Variants in RHOBTB2 observed in about 807,000 individuals in gnomAD.
RHOBTB2 encodes the protein rho-related BTB domain-containing protein 2.
A neutral mutation model predicts 66.5 loss-of-function variants in RHOBTB2; 39 were observed. The ratio of observed to expected loss-of-function variants is 0.59; its 90% CI spans 0.45 to 0.77. The LOEUF is 0.77. Among genes scored for constraint, RHOBTB2 ranks in the 30% least tolerant of loss-of-function variants. The probability of loss-of-function intolerance (pLI) is 0.00; values close to 1 mark genes in which losing one functional copy is unlikely to be tolerated. For missense variants in RHOBTB2, 755 were observed against 999.1 expected (o/e 0.76, Z 3.29); for synonymous variants, 390 against 395.0 (o/e 0.99, Z 0.15).
chr8:22,951,293 C>T, the RHOBTB2 span, among the ~76,000 whole-genome samples: 38 of 142,728 alleles, frequency 2.7e-4, no homozygotes, highest in African/African-American at 9.9e-4. Flanking sequence ...ACTCTGTCAC[C>T]CAGGCTGGAG....
intron 1 of RHOBTB2, 145 bp downstream of exon 1, chr8:23,000,250 C>T: frequency 2.3e-6 from 1 of 428,868 alleles, no homozygotes; most frequent in South Asian, 9.7e-5. Context: ...CTGCTGGGTA[C>T]AGCGGGGCTG....
chr8:22,955,809 GTCC>G, the RHOBTB2 span, among the ~76,000 whole-genome samples: 4 of 151,974 alleles, frequency 2.6e-5, no homozygotes, highest in Admixed American at 6.6e-5. Context: ...GGTTCAATCA[GTCC>G]TCCTACCTTG....
In RHOBTB2 at chr8:22,999,669, C is replaced by T. The variant is rs1435453448; in HGVS notation, c.-447C>T. The stretch of plus-strand genomic sequence containing the variant: ...TTTTGTGAATGAAAAAAGGAGGTCG[C>T]GAGCGGTACCTGGGACTGCAGCGCC... On this transcript the variant is annotated 5_prime_UTR_variant, in exon 1 of 10. Transcript: ENST00000251822. The T allele has an allele frequency of 8.0e-7, 1 of 1,246,450 alleles. No homozygotes were observed. The highest frequency in any genetic ancestry group is 2.6e-5 in the Admixed American group (1 of 38,210). The allele number at this position is 1,246,450 out of a possible 1,614,324, so 77.2% of individuals were successfully genotyped here.
chr8:22,972,448 G>T, the RHOBTB2 span, among the ~76,000 whole-genome samples: 1 of 152,140 alleles, frequency 6.6e-6, no homozygotes, highest in Non-Finnish European at 1.5e-5. Context: ...CTGGTATACT[G>T]CTTCATGTCT....
intron 3 of RHOBTB2, 115 bp downstream of exon 3, chr8:23,005,590 C>T: frequency 1.3e-6 from 1 of 756,962 alleles, no homozygotes; most frequent in South Asian, 1.5e-5. Context: ...GTGGAGAAAA[C>T]AGCTCTGGCA....
chr8:22,986,141 TCTC>T (rs1166147697), upstream of RHOBTB2, among the ~76,000 whole-genome samples: 1 of 23,278 alleles, frequency 4.3e-5, no homozygotes, highest in African/African-American at 5.8e-4. Flanking sequence ...ACGGTGGACT[TCTC>T]TCTCTCTCTC....
At chr8:23,014,923 C>T in intron 8 of RHOBTB2, 145 bp downstream of exon 8, 1 of 682,450 alleles carries the variant, frequency 1.5e-6, no homozygotes, top group Non-Finnish European at 2.6e-6. Context: ...TAGCCCATCT[C>T]CTCCTCCATG....
intron 6 of RHOBTB2, among the ~76,000 whole-genome samples, chr8:23,008,827 C>T (rs1811048126): frequency 1.3e-5 from 2 of 152,000 alleles, no homozygotes; most frequent in African/African-American, 4.8e-5. Context: ...TCACCTGGCT[C>T]TAGGGGGATT....
At chr8:23,008,641 A>G (rs1394664776) in intron 6 of RHOBTB2, among the ~76,000 whole-genome samples, 1 of 152,166 alleles carries the variant, frequency 6.6e-6, no homozygotes, top group Non-Finnish European at 1.5e-5. Flanking sequence ...GATCCCAAGA[A>G]AAGGGGGCAT....
At chr8:22,966,188 T>C in the RHOBTB2 span, among the ~76,000 whole-genome samples, 3 of 151,546 alleles carry the variant, frequency 2.0e-5, no homozygotes, top group African/African-American at 7.3e-5. Flanking sequence ...CTATCTCTAC[T>C]AAGAAAACAC....
At position 23,007,007 on chromosome 8, in the gene RHOBTB2, G is replaced by C. The variant is rs1217111721; in HGVS notation, c.762G>C (p.Glu254Asp). The part of the protein sequence containing the change: ...VVPDPPSSSE[E>D]CPAHLLEDPL... ...CCGACCCTCCCTCCAGCAGCGAGGA[G>C]TGCCCCGCCCACCTCCTGGAGGACC... is the stretch of plus-strand genomic sequence containing the variant. Residue 254 changes from glutamate (E) to aspartate (D), a missense_variant, in exon 5 of 10, where the codon GAG (glutamate) becomes GAC (aspartate). Glu to Asp is a conservative substitution (Grantham distance 45). Coordinates refer to ENST00000251822, the MANE Select transcript of RHOBTB2 (RefSeq NM_015178.3). The C allele has an allele frequency of 1.2e-6, 2 of 1,609,224 alleles. No individual in the cohort carries two copies. The highest frequency in any genetic ancestry group is 2.7e-5 in the African/African-American group (2 of 75,012).
Position 23,007,278 on chromosome 8 carries a change from T to G in RHOBTB2, c.1033T>G (p.Phe345Val). The change falls in exon 5 of 10, where the codon TTT becomes GTT. Residue 345 changes from phenylalanine (F) to valine (V), a missense_variant. Around this residue, in one of 7 missense-constraint regions of RHOBTB2, gnomAD observed 247 missense variants for 238.9 expected, o/e 1.03. Coordinates refer to ENST00000251822, the MANE Select transcript of RHOBTB2 (RefSeq NM_015178.3). ...GRDFLLRAASFDVCESVDEAG... is the reference protein window; with the variant it reads ...GRDFLLRAASVDVCESVDEAG... ...AGACTTCCTGCTCCGAGCAGCCAGC[T>G]TTGACGTGTGCGAGAGCGTGGATGA... 1 of 1,613,538 alleles carries G rather than the reference T, an allele frequency of 6.2e-7. No homozygotes were observed. The highest frequency in any genetic ancestry group is 1.1e-5 in the South Asian group (1 of 91,050).
At chr8:23,001,311 C>G (rs1012474995) in intron 1 of RHOBTB2, among the ~76,000 whole-genome samples, 3 of 151,902 alleles carry the variant, frequency 2.0e-5, no homozygotes, top group Non-Finnish European at 2.9e-5. Flanking sequence ...GAAGAGAGAG[C>G]CGGAGGGAGA....
In RHOBTB2 at chr8:23,008,035, A is replaced by G; in HGVS notation, c.1544A>G (p.Lys515Arg). ...GATGATGGCACCATCAGCGCCCACA[A>G]GCCCCTGTTGATTTCCAGCTGTGAC... is the stretch of plus-strand genomic sequence containing the variant. The part of the protein sequence containing the change: ...ILDDGTISAH[K>R]PLLISSCDWM... The change falls in exon 6 of 10, where the codon AAG becomes AGG. Residue 515 changes from lysine (K) to arginine (R), a missense_variant. Lys to Arg is a conservative substitution (Grantham distance 26). This residue lies in a region of RHOBTB2 where 353 missense variants were observed against 458.2 expected (regional missense o/e 0.77). Transcript: ENST00000251822. The G allele has an allele frequency of 6.2e-7, 1 of 1,613,810 alleles. No homozygotes were observed. Among genetic ancestry groups the G allele is most frequent in the East Asian group, 2.2e-5 (1 of 44,886 alleles).
upstream of RHOBTB2, chr8:22,994,591 C>A: frequency 6.4e-7 from 1 of 1,551,510 alleles, no homozygotes; most frequent in Non-Finnish European, 8.7e-7. Flanking sequence ...GCGATGCAAG[C>A]CTGGAGAAAA....
intron 6 of RHOBTB2, among the ~76,000 whole-genome samples, chr8:23,010,057 T>G (rs1412207618): frequency 6.6e-6 from 1 of 152,122 alleles, no homozygotes; most frequent in Non-Finnish European, 1.5e-5. Flanking sequence ...TGGGAGGGAC[T>G]GAGGTGTAGA....
the RHOBTB2 span, among the ~76,000 whole-genome samples, chr8:22,956,166 T>C: frequency 6.6e-6 from 1 of 152,222 alleles, no homozygotes; most frequent in East Asian, 1.9e-4. Context: ...TAATAACTAA[T>C]GTCTTGCATA....
chr8:22,961,577 C>G, the RHOBTB2 span, among the ~76,000 whole-genome samples: 1 of 152,212 alleles, frequency 6.6e-6, no homozygotes, highest in South Asian at 2.1e-4. Flanking sequence ...TTTTGTCCTA[C>G]CTCGTAAGGT....
intron 1 of RHOBTB2, among the ~76,000 whole-genome samples, chr8:22,990,465 T>C (rs1810397410): frequency 6.6e-6 from 1 of 152,162 alleles, no homozygotes; most frequent in Non-Finnish European, 1.5e-5. Context: ...TGGGCCTCAG[T>C]TCTGCATCTG....
Sources: allele counts gnomAD v4.1 joint callset (sites outside exome capture counted in the v4.1 genomes callset), GRCh38; gene constraint gnomAD v4.1.1; regional missense constraint gnomAD v4.1.1; transcripts MANE v1.5; gene names NCBI Gene and HGNC (gene_info 2026-07-23, HGNC 2026-07-21).